C5: variants seen among roughly 807,000 people sequenced by gnomAD.
C5 encodes the protein C3 and PZP-like alpha-2-macroglobulin domain-containing protein 4.
In C5, 140 loss-of-function variants were observed where a neutral mutation model predicts 218.8. That is an observed-to-expected ratio of 0.64 (90% confidence interval 0.56 to 0.74). C5 has a LOEUF of 0.74. Ranked by LOEUF, C5 falls within the 30% of genes least tolerant of loss-of-function variation. The pLI is 0.00. For synonymous variants in C5, 614 were observed against 682.3 expected, an observed-to-expected ratio of 0.90 and a Z score of 1.56; for missense variants, 1,700 against 1,969.6, an observed-to-expected ratio of 0.86 and a Z score of 2.59.
chr9:121,058,281 A>G, the C5 span, among the ~76,000 whole-genome samples: 2 of 152,202 alleles, frequency 1.3e-5, no homozygotes, highest in Non-Finnish European at 2.9e-5. Flanking sequence ...AAGGCTCAGA[A>G]AAATGTAGTG....
Position 121,017,793 on chromosome 9 carries a change from A to G in C5, c.1566T>C (p.Ser522=). The change falls in exon 13 of 41, where the codon TCT becomes TCC. Residue 522 remains serine (S), a synonymous_variant. Transcript: ENST00000223642. ...FGTREKFSDA[S]YQSINIPVTQ... is the part of the protein sequence containing the mutation. ...TTACTGGAATGTTTATACTTTGATA[A>G]GATGCATCTGAAAATTTCTCCCTCG... 6.2e-7 allele frequency: 1 copy of G among 1,613,906 alleles called. No homozygotes were observed. Among genetic ancestry groups the G allele is most frequent in the African/African-American group, 1.3e-5 (1 of 75,042 alleles).
chr9:121,005,790 T>G lies in C5; in HGVS notation c.2562+129A>C, dbSNP rs1196739957. On this transcript the variant is annotated intron_variant, in intron 20 of 40. Transcript: ENST00000223642. Reference sequence around the variant, plus strand: ...TACACATATAGTACAATGCTCATTTTAAGTGTTTGGTTTCTATTGCTGAAC... The same window carrying G: ...TACACATATAGTACAATGCTCATTTGAAGTGTTTGGTTTCTATTGCTGAAC... 8.1e-6 allele frequency: 7 copies of G among 862,564 alleles called. No homozygotes were observed. The East Asian group carries it at 1.0e-4, about 12-fold the overall frequency. 53.4% of individuals were successfully genotyped at this position (862,564 alleles called of 1,614,324 possible).
chr9:120,985,831 T>C (rs1313383060), intron 25 of C5, among the ~76,000 whole-genome samples: 2 of 152,220 alleles, frequency 1.3e-5, no homozygotes, highest in Non-Finnish European at 1.5e-5. Flanking sequence ...TAAACAGTGC[T>C]TACTTAAGAA....
chr9:121,037,494 G>A (rs888006675), intron 4 of C5, among the ~76,000 whole-genome samples: 2 of 151,718 alleles, frequency 1.3e-5, no homozygotes, highest in African/African-American at 4.8e-5. Context: ...TTGTATTTTA[G>A]TAGAGATGAG....
At chr9:121,007,009 G>C in intron 18 of C5, 32 bp from the exon 19 acceptor site, 1 of 1,487,690 alleles carries the variant, frequency 6.7e-7, no homozygotes, top group Non-Finnish European at 9.4e-7. Context: ...TTCAAATACA[G>C]TGGAATATTG....
the C5 span, among the ~76,000 whole-genome samples, chr9:121,070,924 T>C: frequency 6.6e-6 from 1 of 152,202 alleles, no homozygotes; most frequent in Admixed American, 6.5e-5. Flanking sequence ...GGATGATGGA[T>C]ATGCTAATTA....
Position 121,002,284 on chromosome 9 carries a change from A to ATGTGTGTGTGTG in C5, c.2562+3634_2562+3635insCACACACACACA, listed in dbSNP as rs1301302145. On this transcript the variant is annotated intron_variant, in intron 20 of 40. Coordinates refer to ENST00000223642, the MANE Select transcript of C5 (RefSeq NM_001735.3). ...TATGTATATATATGTATATATACGT[A>ATGTGTGTGTGTG]TATATGTATATATGTATATATATAT... Among the ~76,000 whole-genome samples the ATGTGTGTGTGTG allele has an allele frequency of 3.1e-4, 37 of 118,634 alleles. 3 individuals are homozygous for ATGTGTGTGTGTG. The highest frequency in any genetic ancestry group is 1.7e-3 in the South Asian group (5 of 2,938). 77.8% of individuals were successfully genotyped at this position (118,634 alleles called of 152,430 possible). A position where few individuals can be genotyped will look rare whatever the true frequency, so the allele number is the denominator to read the frequency against.
At position 120,952,832 on chromosome 9, in the gene C5, T is replaced by C. The variant is rs1365967818; in HGVS notation, c.4938A>G (p.Glu1646=). Residue 1646 remains glutamate (E), a synonymous_variant, in exon 41 of 41, where the codon GAA becomes GAG. Coordinates refer to ENST00000223642, the MANE Select transcript of C5 (RefSeq NM_001735.3). ...IYPLDSLTWI[E]YWPRDTTCSS... is the part of the protein sequence containing the mutation. ...AACATGTTGTGTCTCTAGGCCAGTATTCAATCCAGGTCAAGGAATCTAAAG... is the reference window on the plus strand; with the variant it reads ...AACATGTTGTGTCTCTAGGCCAGTACTCAATCCAGGTCAAGGAATCTAAAG... 6.2e-7 allele frequency: 1 copy of C among 1,613,884 alleles called. No individual in the cohort carries two copies. Among genetic ancestry groups the C allele is most frequent in the Non-Finnish European group, 8.5e-7 (1 of 1,179,914 alleles).
At chr9:121,046,563 G>A (rs2047629642) in intron 1 of C5, among the ~76,000 whole-genome samples, 180 bp from the exon 2 acceptor site, 1 of 152,122 alleles carries the variant, frequency 6.6e-6, no homozygotes, top group South Asian at 2.1e-4. Context: ...TAATTTCCAA[G>A]TAGTTTGGAA....
Position 120,991,140 on chromosome 9 carries a change from G to A in C5, c.2941+51C>T, listed in dbSNP as rs370227524. ...ATAATCATGAGGATATTTGATTTTT[G>A]TTTGAAGCACCAAGTGAAATGAGAA... On this transcript the variant is annotated intron_variant, in intron 23 of 40. Transcript: ENST00000223642. The A allele has an allele frequency of 5.6e-6, 6 of 1,070,604 alleles. 1 individual carries two copies. In the African/African-American group the frequency reaches 9.3e-5, roughly 17 times the overall value. 66.3% of individuals were successfully genotyped at this position (1,070,604 alleles called of 1,614,324 possible).
upstream of C5, among the ~76,000 whole-genome samples, chr9:121,053,158 G>T (rs192341661): frequency 6.6e-6 from 1 of 152,240 alleles, no homozygotes; most frequent in African/African-American, 2.4e-5. Context: ...AAACAGAGGC[G>T]TCTCCTCAGA....
At chr9:120,958,013 C>T (rs1449562003) in intron 38 of C5, among the ~76,000 whole-genome samples, 1 of 152,144 alleles carries the variant, frequency 6.6e-6, no homozygotes, top group Non-Finnish European at 1.5e-5. Context: ...TCTATGTGGC[C>T]TCAGGAGAGA....
Position 120,989,726 on chromosome 9 carries a change from A to G in C5, c.2996T>C (p.Ile999Thr). Residue 999 changes from isoleucine (I) to threonine (T), a missense_variant, in exon 24 of 41, where the codon ATC becomes ACC. Coordinates refer to ENST00000223642, the MANE Select transcript of C5 (RefSeq NM_001735.3). ...ACTCCCTTTGGGGAGGTGGGTTAGG[A>G]TATTGATGCCTTCCTGACTTAGAAC... ...SAVLSQEGIN[I>T]LTHLPKGSAE... 1 of 1,614,134 alleles carries G rather than the reference A, an allele frequency of 6.2e-7. No individual in the cohort carries two copies. Among genetic ancestry groups the G allele is most frequent in the Non-Finnish European group, 8.5e-7 (1 of 1,180,014 alleles).
chr9:121,018,646 G>A (rs56721203), intron 12 of C5, among the ~76,000 whole-genome samples: 1 of 73,488 alleles, frequency 1.4e-5, no homozygotes, highest in Non-Finnish European at 2.6e-5. Context: ...AGGGAGGGAG[G>A]GAAAGAAAGA....
At chr9:121,021,718 C>A in intron 10 of C5, 24 bp from the exon 11 acceptor site, 1 of 1,573,760 alleles carries the variant, frequency 6.4e-7, no homozygotes, top group African/African-American at 1.4e-5. Context: ...CAATCCAAAT[C>A]TATTTCAACA....
intron 30 of C5, 59 bp downstream of exon 30, chr9:120,974,720 A>C (rs969809953): frequency 2.5e-5 from 35 of 1,405,990 alleles, no homozygotes; most frequent in Non-Finnish European, 3.2e-5. Context: ...AAAGAGTGGA[A>C]CAGATGATTT....
intron 30 of C5, among the ~76,000 whole-genome samples, chr9:120,972,466 C>T (rs1046852108): frequency 6.6e-6 from 1 of 152,242 alleles, no homozygotes; most frequent in South Asian, 2.1e-4. Context: ...CTCCTTTGCA[C>T]CCCTTTTCCA....
chr9:121,054,352 C>A (rs2047687900), upstream of C5, among the ~76,000 whole-genome samples: 1 of 152,196 alleles, frequency 6.6e-6, no homozygotes, highest in Admixed American at 6.5e-5. Flanking sequence ...GTAATCCCAG[C>A]ACTTTGGGAG....
At chr9:121,050,546 T>C (rs1305614815), upstream of C5, among the ~76,000 whole-genome samples, 3 of 152,206 alleles carry the variant, frequency 2.0e-5, no homozygotes, top group South Asian at 2.1e-4. Context: ...AGTAAGCCCA[T>C]TGCTTTGGCC....
Sources: allele counts gnomAD v4.1 joint callset (sites outside exome capture counted in the v4.1 genomes callset), GRCh38; gene constraint gnomAD v4.1.1; transcripts MANE v1.5; gene names NCBI Gene and HGNC (gene_info 2026-07-23, HGNC 2026-07-21).